POU2AF2: variants seen among roughly 807,000 people sequenced by gnomAD.
POU2AF2 encodes the protein POU class 2 homeobox associating factor 2.
At chr11:111,284,173 C>T in the POU2AF2 span, 2 of 1,614,200 alleles carry the variant, frequency 1.2e-6, no homozygotes, top group Non-Finnish European at 1.7e-6. Context: ...ACGTCTACAC[C>T]TCCAGCGTGG....
the POU2AF2 span, among the ~76,000 whole-genome samples, chr11:111,259,712 C>T: frequency 5.9e-5 from 9 of 152,144 alleles, no homozygotes; most frequent in South Asian, 2.1e-4. Context: ...AAATATACCA[C>T]GTAGAGATAA....
chr11:111,267,440 G>C, the POU2AF2 span, among the ~76,000 whole-genome samples: 1 of 152,094 alleles, frequency 6.6e-6, no homozygotes, highest in African/African-American at 2.4e-5. Context: ...AGAGACCTCT[G>C]GGGCCTACTC....
chr11:111,249,720 T>C, the POU2AF2 span, among the ~76,000 whole-genome samples: 1 of 152,234 alleles, frequency 6.6e-6, no homozygotes, highest in African/African-American at 2.4e-5. Flanking sequence ...AAATACCAGA[T>C]ACTTGACAAC....
At chr11:111,260,689 C>T in the POU2AF2 span, among the ~76,000 whole-genome samples, 1 of 152,216 alleles carries the variant, frequency 6.6e-6, no homozygotes, top group African/African-American at 2.4e-5. Context: ...CTGGAGGGCA[C>T]ACAGCCCTGC....
At chr11:111,263,885 A>G in the POU2AF2 span, among the ~76,000 whole-genome samples, 1 of 152,252 alleles carries the variant, frequency 6.6e-6, no homozygotes, top group African/African-American at 2.4e-5. Flanking sequence ...AGATAATAAC[A>G]TCTACCTTGC....
At chr11:111,255,092 A>G in the POU2AF2 span, among the ~76,000 whole-genome samples, 3 of 152,182 alleles carry the variant, frequency 2.0e-5, no homozygotes, top group Non-Finnish European at 2.9e-5. Flanking sequence ...AATGCTGTCA[A>G]TTTTAGAACC....
At chr11:111,263,567 G>C in the POU2AF2 span, among the ~76,000 whole-genome samples, 1 of 151,702 alleles carries the variant, frequency 6.6e-6, no homozygotes, top group Non-Finnish European at 1.5e-5. Flanking sequence ...TGAGTAGCTG[G>C]GAATACAGGC....
chr11:111,259,782 A>G, the POU2AF2 span, among the ~76,000 whole-genome samples: 3 of 152,240 alleles, frequency 2.0e-5, no homozygotes, highest in Non-Finnish European at 4.4e-5. Context: ...TCAGGCATCA[A>G]GTGCATAGAT....
the POU2AF2 span, among the ~76,000 whole-genome samples, chr11:111,255,683 T>C: frequency 6.6e-6 from 1 of 152,232 alleles, no homozygotes; most frequent in South Asian, 2.1e-4. Flanking sequence ...AAAGCATAAT[T>C]TGTAAACCTT....
chr11:111,269,984 T>A, the POU2AF2 span, among the ~76,000 whole-genome samples: 1 of 152,222 alleles, frequency 6.6e-6, no homozygotes, highest in Non-Finnish European at 1.5e-5. Context: ...GCAATAAATA[T>A]ATGACCTAAA....
At chr11:111,247,115 A>G in the POU2AF2 span, among the ~76,000 whole-genome samples, 1 of 151,774 alleles carries the variant, frequency 6.6e-6, no homozygotes, top group Admixed American at 6.6e-5. Context: ...CTCCACTTCC[A>G]GCCAAGTTGT....
At chr11:111,276,453 A>AAAAATATAT in the POU2AF2 span, among the ~76,000 whole-genome samples, 203 of 37,456 alleles carry the variant, frequency 5.4e-3, 2 homozygotes, top group East Asian at 0.016. Flanking sequence ...AAAAAAAAAA[A>AAAAATATAT]ATATATATAT....
chr11:111,260,772 G>A, the POU2AF2 span, among the ~76,000 whole-genome samples: 1 of 152,302 alleles, frequency 6.6e-6, no homozygotes, highest in Admixed American at 6.5e-5. Context: ...AACCCACCCT[G>A]TTTGTGATAA....
chr11:111,285,590 A>G, the POU2AF2 span: 1 of 1,540,960 alleles, frequency 6.5e-7, no homozygotes, highest in East Asian at 2.4e-5. Flanking sequence ...GTCTGGCAGC[A>G]CACAATGTAT....
the POU2AF2 span, among the ~76,000 whole-genome samples, chr11:111,267,621 A>G: frequency 6.6e-6 from 1 of 152,208 alleles, no homozygotes; most frequent in Admixed American, 6.5e-5. Flanking sequence ...AGGCAGAGAC[A>G]ATATCAGCCC....
chr11:111,263,159 T>G, the POU2AF2 span, among the ~76,000 whole-genome samples: 1 of 152,264 alleles, frequency 6.6e-6, no homozygotes, highest in Non-Finnish European at 1.5e-5. Context: ...TCAGCTACTT[T>G]GTAGATTCTG....
At chr11:111,257,511 G>C in the POU2AF2 span, among the ~76,000 whole-genome samples, 5 of 152,006 alleles carry the variant, frequency 3.3e-5, no homozygotes, top group African/African-American at 1.2e-4. Context: ...TGGGATTACA[G>C]GCGCCTGCCA....
chr11:111,285,921 A>G, the POU2AF2 span: 1 of 1,613,484 alleles, frequency 6.2e-7, no homozygotes, highest in Non-Finnish European at 8.5e-7. Context: ...GTGTCAAATG[A>G]CCTACCGCCC....
chr11:111,250,172 TTGG>T, the POU2AF2 span, among the ~76,000 whole-genome samples: 2 of 152,126 alleles, frequency 1.3e-5, no homozygotes, highest in African/African-American at 4.8e-5. Flanking sequence ...TAGTGCTGTT[TTGG>T]GGGGGTTGGG....
Sources: gnomAD v4.1 joint callset for allele counts (sites outside exome capture counted in the v4.1 genomes callset) on GRCh38, gnomAD v4.1.1 for gene constraint, MANE v1.5 for transcripts, NCBI Gene and HGNC (gene_info 2026-07-23, HGNC 2026-07-21) for gene names.